SV2C: variants seen among roughly 807,000 people sequenced by gnomAD.
SV2C encodes solute carrier family 22 member B3.
SV2C carries 49 observed loss-of-function variants against 79.7 expected under a neutral mutation model. The ratio of observed to expected loss-of-function variants is 0.61; its 90% CI spans 0.49 to 0.78. The LOEUF (loss-of-function observed/expected upper bound fraction) is 0.78. Among genes scored for constraint, SV2C ranks in the 30% least tolerant of loss-of-function variants. The pLI is 0.00. For synonymous variants in SV2C, 334 were observed against 333.2 expected (o/e 1.00, Z -0.03); for missense variants, 833 against 912.9 (o/e 0.91, Z 1.13).
the SV2C span, among the ~76,000 whole-genome samples, chr5:75,996,918 T>C: frequency 3.0e-5 from 4 of 131,460 alleles, no homozygotes. Flanking sequence ...TATACAATCA[T>C]GTCATCTGCA....
At chr5:75,920,647 T>C in the SV2C span, 1 of 487,920 alleles carries the variant, frequency 2.0e-6, no homozygotes, top group Non-Finnish European at 3.7e-6. Flanking sequence ...TGGTGGGGGG[T>C]GGGTGGGAGG....
chr5:76,301,500 A>T lies in SV2C; in HGVS notation c.1955A>T (p.Asn652Ile). 6.2e-7 allele frequency: 1 copy of T among 1,613,662 alleles called. No individual in the cohort carries two copies. The highest frequency in any genetic ancestry group is 8.5e-7 in the Non-Finnish European group (1 of 1,179,908). The change falls in exon 12 of 13, where the codon AAC becomes ATC. Residue 652 changes from asparagine (N) to isoleucine (I), a missense_variant. Asn to Ile is a moderately radical substitution (Grantham distance 149, BLOSUM62 -3). Transcript: ENST00000502798. ...AATGGATTGACCATCTCAGCCTGGAACTCTCTTGACGTGGTCACTGTGGAA... is the reference window on the plus strand; with the variant it reads ...AATGGATTGACCATCTCAGCCTGGATCTCTCTTGACGTGGTCACTGTGGAA... ...LYNGLTISAW[N>I]SLDVVTVELY...
intron 4 of SV2C, among the ~76,000 whole-genome samples, chr5:76,244,269 C>T (rs1256393854): frequency 6.6e-6 from 1 of 152,200 alleles, no homozygotes; most frequent in African/African-American, 2.4e-5. Context: ...GGGCTGGCCA[C>T]ATGTAGGATA....
chr5:76,028,155 G>A, the SV2C span, among the ~76,000 whole-genome samples: 1 of 152,118 alleles, frequency 6.6e-6, no homozygotes, highest in Non-Finnish European at 1.5e-5. Flanking sequence ...CTTGGAAACT[G>A]TCTTCCAGCT....
intron 3 of SV2C, among the ~76,000 whole-genome samples, chr5:76,203,409 A>G (rs1410909738): frequency 6.6e-6 from 1 of 152,212 alleles, no homozygotes; most frequent in Non-Finnish European, 1.5e-5. Flanking sequence ...ATACATCTGC[A>G]TGTTCTATCA....
the SV2C span, among the ~76,000 whole-genome samples, chr5:75,939,896 G>C: frequency 3.3e-5 from 5 of 152,194 alleles, no homozygotes; most frequent in East Asian, 9.6e-4. Context: ...TTGTTGGTTA[G>C]TTCAAGTCTG....
At chr5:75,901,462 G>C in the SV2C span, among the ~76,000 whole-genome samples, 3,249 of 152,302 alleles carry the variant, frequency 0.021, 50 homozygotes, top group South Asian at 0.04. Flanking sequence ...TCTCAGAGGA[G>C]TACCCGGCCG....
At chr5:76,349,619 G>A (rs1434758550) in intron 12 of SV2C, among the ~76,000 whole-genome samples, 1 of 151,504 alleles carries the variant, frequency 6.6e-6, no homozygotes, top group African/African-American at 2.4e-5. Flanking sequence ...ATCCTTGAAA[G>A]TTTTGGCTCT....
At chr5:76,030,289 T>TTTTTA in the SV2C span, among the ~76,000 whole-genome samples, 19 of 117,910 alleles carry the variant, frequency 1.6e-4, no homozygotes, top group South Asian at 4.4e-3. Context: ...TTTTTTTTTT[T>TTTTTA]TTTATTTATT....
intron 2 of SV2C, among the ~76,000 whole-genome samples, chr5:76,188,864 C>T (rs999562401): frequency 6.6e-6 from 1 of 152,062 alleles, no homozygotes; most frequent in African/African-American, 2.4e-5. Context: ...CTGATGGAGT[C>T]TGGCCAAGGG....
At chr5:76,024,966 T>C in the SV2C span, among the ~76,000 whole-genome samples, 1 of 152,176 alleles carries the variant, frequency 6.6e-6, no homozygotes, top group South Asian at 2.1e-4. Context: ...TTCAGTTAAA[T>C]GCAGAGCAGA....
rs1749117322 is a variant in SV2C, at chr5:76,329,693, A to T, written c.*4146A>T. ...TCTGATTCCCTCTGCCAATCAAAAT[A>T]GATAGAATATGATATTCTCCAATTT... On this transcript the variant is annotated 3_prime_UTR_variant, in exon 13 of 13. Coordinates refer to ENST00000502798, the MANE Select transcript of SV2C (RefSeq NM_014979.4). 1 of 152,134 alleles carries T rather than the reference A, an allele frequency of 6.6e-6. No individual in the cohort carries two copies. The highest frequency in any genetic ancestry group is 6.5e-5 in the Admixed American group (1 of 15,278). 9.4% of individuals were successfully genotyped at this position (152,134 alleles called of 1,614,324 possible).
chr5:76,056,033 G>C, the SV2C span, among the ~76,000 whole-genome samples: 4 of 152,128 alleles, frequency 2.6e-5, no homozygotes, highest in Non-Finnish European at 5.9e-5. Flanking sequence ...ATACTGTGTT[G>C]AATAGGAGTG....
intron 3 of SV2C, among the ~76,000 whole-genome samples, chr5:76,197,039 A>G (rs1237643900): frequency 6.6e-6 from 1 of 152,244 alleles, no homozygotes; most frequent in African/African-American, 2.4e-5. Flanking sequence ...GGGGGCTGGG[A>G]ATCAAGAAAT....
chr5:76,102,455 T>C (rs186718134), intron 1 of SV2C, among the ~76,000 whole-genome samples: 39 of 152,318 alleles, frequency 2.6e-4, no homozygotes, highest in Non-Finnish European at 4.3e-4. Context: ...GGTTGTGTTA[T>C]CCAGTAGCAA....
chr5:75,878,615 G>T, the SV2C span, among the ~76,000 whole-genome samples: 2 of 152,040 alleles, frequency 1.3e-5, no homozygotes, highest in South Asian at 4.1e-4. Flanking sequence ...TGTCATAGCT[G>T]TTTTATGTAT....
At chr5:75,952,383 A>T in the SV2C span, among the ~76,000 whole-genome samples, 1 of 150,724 alleles carries the variant, frequency 6.6e-6, no homozygotes, top group African/African-American at 2.4e-5. Flanking sequence ...ATTTCTCAAC[A>T]TTCCATCTTC....
At chr5:76,205,614 G>T (rs892365484) in intron 3 of SV2C, among the ~76,000 whole-genome samples, 4 of 152,124 alleles carry the variant, frequency 2.6e-5, no homozygotes, top group African/African-American at 9.7e-5. Context: ...TTCAACAGTA[G>T]CTAACTGATC....
chr5:76,194,874 G>T, intron 2 of SV2C, 45 bp from the exon 3 acceptor site: 1 of 1,591,892 alleles, frequency 6.3e-7, no homozygotes, highest in South Asian at 1.1e-5. Flanking sequence ...ATGTGTCATT[G>T]ACTCCCAACC....
Sources: allele counts gnomAD v4.1 joint callset (sites outside exome capture counted in the v4.1 genomes callset), GRCh38; gene constraint gnomAD v4.1.1; transcripts MANE v1.5; gene names NCBI Gene and HGNC (gene_info 2026-07-23, HGNC 2026-07-21).